ZNF699: variants seen among roughly 807,000 people sequenced by gnomAD.
ZNF699 encodes the protein zinc finger protein 699.
Under a neutral mutation model 22.5 loss-of-function variants are expected in ZNF699, and 18 were observed. The observed-to-expected ratio is 0.80, with a 90% CI of 0.55 to 1.19. The LOEUF (loss-of-function observed/expected upper bound fraction) is 1.19, where lower values mean the gene tolerates loss of function less well. ZNF699 is among the 50% of genes most tolerant of loss of function. The pLI is 0.00. For synonymous variants in ZNF699, 241 were observed against 262.3 expected (o/e 0.92, Z 0.78); for missense variants, 670 against 763.4 (o/e 0.88, Z 1.44).
Position 9,292,857 on chromosome 19 carries a change from G to C in ZNF699, c.*2618C>G, listed in dbSNP as rs1301598425. On this transcript the variant is annotated 3_prime_UTR_variant, in exon 6 of 6. Transcript: ENST00000591998. Reference sequence around the variant, plus strand: ...TTTTTTAAAAAGGAACCATAAGTCTGGGTGCAGTGGCTCACGCCTATAATC... The same window carrying C: ...TTTTTTAAAAAGGAACCATAAGTCTCGGTGCAGTGGCTCACGCCTATAATC... Among the ~76,000 whole-genome samples, 1 of 150,590 alleles carries C rather than the reference G, an allele frequency of 6.6e-6. No homozygotes were observed. The highest frequency in any genetic ancestry group is 1.5e-5 in the Non-Finnish European group (1 of 67,790).
Position 9,295,665 on chromosome 19 carries a change from A to C in ZNF699, c.1739T>G (p.Met580Arg), listed in dbSNP as rs1555723874. 4.3e-6 allele frequency: 7 copies of C among 1,613,428 alleles called. No homozygotes were observed. The Admixed American group carries it at 5.0e-5, about 12-fold the overall frequency. Residue 580 changes from methionine (M) to arginine (R), a missense_variant, in exon 6 of 6, where the codon ATG becomes AGG. Physicochemically the swap from Met to Arg is moderately conservative, Grantham distance 91. Coordinates refer to ENST00000591998, the MANE Select transcript of ZNF699 (RefSeq NM_198535.3). ...HSSYLTVHARMHTGEKPFECL... is the reference protein window; with the variant it reads ...HSSYLTVHARRHTGEKPFECL... ...TTCAAAGGGTTTCTCTCCAGTGTGCATTCTTGCATGTACAGTAAGGTATGA... is the reference window on the plus strand; with the variant it reads ...TTCAAAGGGTTTCTCTCCAGTGTGCCTTCTTGCATGTACAGTAAGGTATGA...
At position 9,296,931 on chromosome 19, in the gene ZNF699, T is replaced by C. The variant is rs1472884873; in HGVS notation, c.473A>G (p.Asn158Ser). The part of the protein sequence containing the change: ...QNKSHERHLR[N>S]HMVENIYECY... ...TTCATAGATGTTCTCTACCATATGA[T>C]TTCTTTTAAAAATAAAAGACACATT... Residue 158 changes from asparagine to serine, a missense_variant and splice_region_variant, in exon 6 of 6, where the codon AAT becomes AGT. By Grantham distance (46) the Asn-to-Ser change is conservative. Coordinates refer to ENST00000591998, the MANE Select transcript of ZNF699 (RefSeq NM_198535.3). The C allele has an allele frequency of 1.3e-6, 2 of 1,575,558 alleles. No individual in the cohort carries two copies. The highest frequency in any genetic ancestry group is 1.7e-4 in the Middle Eastern group (1 of 5,832).
chr19:9,295,972 TAC>T lies in ZNF699; in HGVS notation c.1430_1431del (p.Cys477Ter). The T allele has an allele frequency of 6.2e-7, 1 of 1,614,100 alleles. No homozygotes were observed. Among genetic ancestry groups the T allele is most frequent in the Non-Finnish European group, 8.5e-7 (1 of 1,180,026 alleles). The stretch of plus-strand genomic sequence containing the variant: ...CGACTAAAGGTCTTCCCACACTCCT[TAC>T]ATTCATACTGTATCTTTCCAGTGTG... ...RDHTGKIQYE[C>X]KECGKTFSRS... On this transcript the variant is annotated frameshift_variant, in exon 6 of 6. Coordinates refer to ENST00000591998, the MANE Select transcript of ZNF699 (RefSeq NM_198535.3). LOFTEE classifies it low-confidence loss of function (END_TRUNC).
chr19:9,291,274 T>C lies in ZNF699; in HGVS notation c.*4201A>G, dbSNP rs1480519780. Among the ~76,000 whole-genome samples, 3 of 152,156 alleles carry C rather than the reference T, an allele frequency of 2.0e-5. No individual in the cohort carries two copies. Among genetic ancestry groups the C allele is most frequent in the Admixed American group, 1.3e-4 (2 of 15,284 alleles). On this transcript the variant is annotated 3_prime_UTR_variant, in exon 6 of 6. Coordinates refer to ENST00000591998, the MANE Select transcript of ZNF699 (RefSeq NM_198535.3). The stretch of plus-strand genomic sequence containing the variant: ...TTACAGGCATAGTACCAAAAATTCA[T>C]TTGTGAAAATTAATCCTGAGATTCC...
At position 9,292,613 on chromosome 19, in the gene ZNF699, A is replaced by G. The variant is rs955277250; in HGVS notation, c.*2862T>C. On this transcript the variant is annotated 3_prime_UTR_variant, in exon 6 of 6. Coordinates refer to ENST00000591998, the MANE Select transcript of ZNF699 (RefSeq NM_198535.3). ...ATACCCAAGGACTTTTTAGTAATAA[A>G]TTATTTAAACCAACAAATTCCCTTT... Among the ~76,000 whole-genome samples the G allele has an allele frequency of 6.6e-6, 1 of 152,180 alleles. No homozygotes were observed.
At chr19:9,303,839 A>ATTTTTTT (rs2066317103) in intron 2 of ZNF699, among the ~76,000 whole-genome samples, 1 of 147,750 alleles carries the variant, frequency 6.8e-6, no homozygotes, top group Non-Finnish European at 1.5e-5. Context: ...TTTTTTTGAG[A>ATTTTTTT]TGGGGTCTCG....
At chr19:9,302,140 G>A (rs941543333) in intron 3 of ZNF699, among the ~76,000 whole-genome samples, 1 of 152,070 alleles carries the variant, frequency 6.6e-6, no homozygotes, top group African/African-American at 2.4e-5. Flanking sequence ...GACCTCAGGT[G>A]ATCCACCCGC....
At chr19:9,307,946 C>CAAA (rs747641771) in intron 1 of ZNF699, among the ~76,000 whole-genome samples, 11 of 65,078 alleles carry the variant, frequency 1.7e-4, no homozygotes, top group African/African-American at 5.9e-4. Context: ...GACTCTGTCT[C>CAAA]AAAAAAAAAA....
In ZNF699 at chr19:9,296,414, A is replaced by C. The variant is rs1232203475; in HGVS notation, c.990T>G (p.Ser330Arg). 1 of 1,613,972 alleles carries C rather than the reference A, an allele frequency of 6.2e-7. No homozygotes were observed. The highest frequency in any genetic ancestry group is 1.1e-5 in the South Asian group (1 of 91,074). The change falls in exon 6 of 6, where the codon AGT (serine) becomes AGG (arginine). Residue 330 changes from serine (S) to arginine (R), a missense_variant. Ser to Arg is a moderately radical substitution (Grantham distance 110). Transcript: ENST00000591998. ...SSLSKHKRIH[S>R]GDKPYECKEC... The stretch of plus-strand genomic sequence containing the variant: ...CCTTACATTCATATGGCTTATCTCC[A>C]CTGTGAATTCTTTTGTGTTTGGAGA...
rs2066265976 is a variant in ZNF699 at position 9,291,671 on chromosome 19, G to A, written c.*3804C>T. On this transcript the variant is annotated 3_prime_UTR_variant, in exon 6 of 6. Coordinates refer to ENST00000591998, the MANE Select transcript of ZNF699 (RefSeq NM_198535.3). ...TTCTTAAACAGGTGTCAGATCTCAA[G>A]TTGATCTTTATGCTCATTAAAGATT... 1 of 149,866 alleles carries A rather than the reference G, an allele frequency of 6.7e-6. No individual in the cohort carries two copies. The highest frequency in any genetic ancestry group is 2.5e-5 in the African/African-American group (1 of 40,658). The allele number at this position is 149,866 out of a possible 1,614,324, so 9.3% of individuals were successfully genotyped here.
At position 9,296,625 on chromosome 19, in the gene ZNF699, A is replaced by C. The variant is rs369367400; in HGVS notation, c.779T>G (p.Phe260Cys). ...PYECKECTKA[F>C]SCSSFFRAHM... Reference sequence around the variant, plus strand: ...TGCCCTAAAGAATGAGGAACAGCTGAAGGCTTTGGTACATTCCTTACATTC... The same window carrying C: ...TGCCCTAAAGAATGAGGAACAGCTGCAGGCTTTGGTACATTCCTTACATTC... Residue 260 changes from phenylalanine to cysteine, a missense_variant, in exon 6 of 6, where the codon TTC becomes TGC. Coordinates refer to ENST00000591998, the MANE Select transcript of ZNF699 (RefSeq NM_198535.3). 50 of 1,613,982 alleles carry C rather than the reference A, an allele frequency of 3.1e-5. No homozygotes were observed. In the African/African-American group the frequency reaches 5.5e-4, roughly 18 times the overall value.
At position 9,294,399 on chromosome 19, in the gene ZNF699, GT is replaced by G. The variant is rs1237555340; in HGVS notation, c.*1075del. On this transcript the variant is annotated 3_prime_UTR_variant, in exon 6 of 6. Transcript: ENST00000591998. ...TGATCCTCCAGCCTCAGCTCCCTGA[GT>G]AGCTGGGACCACAGGTATGCACCAT... 2 of 152,266 alleles carry G rather than the reference GT, an allele frequency of 1.3e-5. No homozygotes were observed. The highest frequency in any genetic ancestry group is 3.9e-4 in the East Asian group (2 of 5,194). The allele number at this position is 152,266 out of a possible 1,614,324, so 9.4% of individuals were successfully genotyped here.
Position 9,291,560 on chromosome 19 carries a change from A to G in ZNF699, c.*3915T>C, listed in dbSNP as rs1051452817. On this transcript the variant is annotated 3_prime_UTR_variant, in exon 6 of 6. Coordinates refer to ENST00000591998, the MANE Select transcript of ZNF699 (RefSeq NM_198535.3). ...CACGCTACAAAAAATTATTCAAAGT[A>G]GATCACAGACCTACATAAAAAAACA... 2.0e-5 allele frequency: 3 copies of G among 152,102 alleles called. No homozygotes were observed. Among genetic ancestry groups the G allele is most frequent in the African/African-American group, 7.3e-5 (3 of 41,372 alleles). 9.4% of individuals were successfully genotyped at this position (152,102 alleles called of 1,614,324 possible). A position where few individuals can be genotyped will look rare whatever the true frequency, so the allele number is the denominator to read the frequency against.
chr19:9,305,234 C>T (rs1009333013), intron 1 of ZNF699, 110 bp from the exon 2 acceptor site: 9 of 793,270 alleles, frequency 1.1e-5, no homozygotes, highest in African/African-American at 7.1e-5. Flanking sequence ...TGCAGCCCAT[C>T]AATTATAAGT....
intron 2 of ZNF699, among the ~76,000 whole-genome samples, chr19:9,303,920 C>G (rs1025385670): frequency 6.6e-6 from 1 of 151,762 alleles, no homozygotes; most frequent in Non-Finnish European, 1.5e-5. Context: ...CTGGTTCAAG[C>G]AATTCCCCTG....
intron 1 of ZNF699, among the ~76,000 whole-genome samples, chr19:9,308,969 T>A (rs143219012): frequency 6.6e-6 from 1 of 152,266 alleles, no homozygotes; most frequent in African/African-American, 2.4e-5. Flanking sequence ...ATCAAACTGA[T>A]GTCCACAGGC....
At chr19:9,302,644 C>T (rs998519395) in intron 2 of ZNF699, 140 bp from the exon 3 acceptor site, 33 of 775,888 alleles carry the variant, frequency 4.3e-5, no homozygotes, top group African/African-American at 8.8e-5. Context: ...CTCTAGGGCT[C>T]AGTCAACAAA....
rs1017796271 is a variant in ZNF699, at chr19:9,293,839, G to A, written c.*1636C>T. 4.0e-5 allele frequency among the ~76,000 whole-genome samples: 6 copies of A among 151,490 alleles called. No homozygotes were observed. The highest frequency in any genetic ancestry group is 5.9e-5 in the Non-Finnish European group (4 of 67,942). On this transcript the variant is annotated 3_prime_UTR_variant, in exon 6 of 6. Coordinates refer to ENST00000591998, the MANE Select transcript of ZNF699 (RefSeq NM_198535.3). ...CTTTTAAAGAGAAAATATAATAGGA[G>A]GGAAATATCACAGTAGTAGATTATA...
chr19:9,299,272 C>T (rs1260766594), intron 3 of ZNF699, among the ~76,000 whole-genome samples: 2 of 152,110 alleles, frequency 1.3e-5, no homozygotes, highest in Non-Finnish European at 2.9e-5. Flanking sequence ...GTAGCTGGGA[C>T]CACAGGTGCC....
Sources: allele counts gnomAD v4.1 joint callset (sites outside exome capture counted in the v4.1 genomes callset), GRCh38; gene constraint gnomAD v4.1.1; transcripts MANE v1.5; gene names NCBI Gene and HGNC (gene_info 2026-07-23, HGNC 2026-07-21).